SLC25A33: variants seen among roughly 807,000 people sequenced by gnomAD.
SLC25A33 encodes the protein bone marrow stromal cell mitochondrial carrier protein.
In SLC25A33, 15 loss-of-function variants were observed where a neutral mutation model predicts 35.5. That is an observed-to-expected ratio of 0.42 (90% CI 0.28 to 0.65). The LOEUF is 0.65. Ranked by LOEUF, SLC25A33 falls within the 30% of genes least tolerant of loss-of-function variation. SLC25A33 has a pLI of 0.20. For synonymous variants in SLC25A33, 136 were observed against 148.7 expected (o/e 0.91, Z 0.62); for missense variants, 257 against 398.5 (o/e 0.64, Z 3.02).
chr1:9,573,518 C>A (rs1022302712), intron 5 of SLC25A33, 106 bp downstream of exon 5: 2 of 889,722 alleles, frequency 2.2e-6, no homozygotes, highest in Non-Finnish European at 3.5e-6. Context: ...ATGTACCCCC[C>A]TCCTCGTTTC....
rs115882634 is a variant in SLC25A33, at chr1:9,564,210, T to A, written c.237-3074T>A. Among the ~76,000 whole-genome samples the A allele has an allele frequency of 7.9e-3, 1,196 of 152,294 alleles. 18 individuals carry two copies. Among genetic ancestry groups the A allele is most frequent in the African/African-American group, 0.027 (1,135 of 41,554 alleles). On this transcript the variant is annotated intron_variant, in intron 2 of 6. Coordinates refer to ENST00000302692, the MANE Select transcript of SLC25A33 (RefSeq NM_032315.3). ...TGCCTCTAAAGAATGTTCCATACAA[T>A]CCTTTCAGGATTTTCTAAGTCGCTT...
At chr1:9,550,203 T>C (rs1169051305) in intron 1 of SLC25A33, among the ~76,000 whole-genome samples, 1 of 147,748 alleles carries the variant, frequency 6.8e-6, no homozygotes, top group Non-Finnish European at 1.5e-5. Flanking sequence ...GACTCCAGCC[T>C]GGGTAACAGA....
chr1:9,553,672 A>G lies in SLC25A33; in HGVS notation c.103A>G (p.Ile35Val). Residue 35 changes from isoleucine (I) to valine (V), a missense_variant, in exon 2 of 7, where the codon ATT becomes GTT. Ile to Val is a conservative substitution (Grantham distance 29). Coordinates refer to ENST00000302692, the MANE Select transcript of SLC25A33 (RefSeq NM_032315.3). ...TATTTTCACTTGTCCACTAGAAGTC[A>G]TTAAGACACGGTTGCAGTCTTCAAG... Reference protein sequence around the residue: ...GAIFTCPLEVIKTRLQSSRLA... With the variant: ...GAIFTCPLEVVKTRLQSSRLA... 2 of 1,614,092 alleles carry G rather than the reference A, an allele frequency of 1.2e-6. No homozygotes were observed. Among genetic ancestry groups the G allele is most frequent in the South Asian group, 1.1e-5 (1 of 91,078 alleles).
chr1:9,546,675 C>G (rs1361259387), intron 1 of SLC25A33, among the ~76,000 whole-genome samples: 1 of 152,168 alleles, frequency 6.6e-6, no homozygotes, highest in Non-Finnish European at 1.5e-5. Flanking sequence ...TTTAGGTATA[C>G]ATTTTTTTTG....
intron 2 of SLC25A33, among the ~76,000 whole-genome samples, chr1:9,562,568 A>T (rs1162619514): frequency 6.6e-6 from 1 of 152,044 alleles, no homozygotes; most frequent in Non-Finnish European, 1.5e-5. Context: ...TGAATTATAT[A>T]AATGGGCCAG....
chr1:9,539,468 T>G lies in SLC25A33; in HGVS notation c.-224T>G. 1 of 180,714 alleles carries G rather than the reference T, an allele frequency of 5.5e-6. No homozygotes were observed. Among genetic ancestry groups the G allele is most frequent in the Non-Finnish European group, 1.1e-5 (1 of 88,628 alleles). The allele number at this position is 180,714 out of a possible 1,614,324, so 11.2% of individuals were successfully genotyped here. A position where few individuals can be genotyped will look rare whatever the true frequency, so the allele number is the denominator to read the frequency against. On this transcript the variant is annotated 5_prime_UTR_variant, in exon 1 of 7. Coordinates refer to ENST00000302692, the MANE Select transcript of SLC25A33 (RefSeq NM_032315.3). ...TGACGGCCGCGCGCCGGGCTCTAGC[T>G]CCCCGCCGGGCTCGCGCCGCAGAGG...
intron 3 of SLC25A33, among the ~76,000 whole-genome samples, chr1:9,569,011 C>T (rs563567614): frequency 6.6e-6 from 1 of 152,026 alleles, no homozygotes; most frequent in Admixed American, 6.6e-5. Flanking sequence ...TTTGGGAGGC[C>T]GAGGCAGGCG....
At chr1:9,549,328 A>G (rs914752497) in intron 1 of SLC25A33, among the ~76,000 whole-genome samples, 8 of 128,718 alleles carry the variant, frequency 6.2e-5, no homozygotes, top group East Asian at 2.6e-4. Flanking sequence ...GGTGGGATCA[A>G]TGGGGGGGAT....
rs1188436721 is a variant in SLC25A33, at chr1:9,578,590, A to G, written c.483-1364A>G. 1.3e-5 allele frequency among the ~76,000 whole-genome samples: 2 copies of G among 152,220 alleles called. No individual in the cohort carries two copies. Among genetic ancestry groups the G allele is most frequent in the Non-Finnish European group, 2.9e-5 (2 of 68,034 alleles). On this transcript the variant is annotated intron_variant, in intron 5 of 6. Transcript: ENST00000302692. The surrounding 1 kb of genome is among the most constrained non-coding windows in gnomAD (Gnocchi z 4.3). ...GGAGACGAGTGTGATCAGAAATCTA[A>G]TAAGTAGCCTCACCAACAGGTTGGA...
intron 1 of SLC25A33, among the ~76,000 whole-genome samples, chr1:9,544,523 C>A (rs1643139517): frequency 6.6e-6 from 1 of 152,122 alleles, no homozygotes; most frequent in Non-Finnish European, 1.5e-5. Flanking sequence ...CCCATCTCAG[C>A]CTCCAAAAGT....
At chr1:9,558,768 C>CTA (rs1643380112) in intron 2 of SLC25A33, among the ~76,000 whole-genome samples, 1 of 152,176 alleles carries the variant, frequency 6.6e-6, no homozygotes, top group Admixed American at 6.6e-5. Context: ...CGTATCTCAC[C>CTA]TATATTGGTG....
At chr1:9,555,425 G>T (rs889597708) in intron 2 of SLC25A33, among the ~76,000 whole-genome samples, 6 of 152,044 alleles carry the variant, frequency 3.9e-5, no homozygotes, top group Non-Finnish European at 7.4e-5. Context: ...GCCACATTTA[G>T]CACTTTTAGG....
At chr1:9,577,101 T>G in intron 5 of SLC25A33, 1 of 517,294 alleles carries the variant, frequency 1.9e-6, no homozygotes, top group Admixed American at 3.2e-5. Flanking sequence ...AATAGCCAGG[T>G]GGGGGCGGCA....
rs6664376 is a variant in SLC25A33 at position 9,553,850 on chromosome 1, C to T, written c.236+45C>T. The T allele has an allele frequency of 5.2e-3, 8,179 of 1,559,848 alleles. 284 individuals carry two copies. In the African/African-American group the frequency reaches 0.079, roughly 15 times the overall value. On this transcript the variant is annotated intron_variant, in intron 2 of 6. Transcript: ENST00000302692. ...CTCCTGCCACCTGCACACCCTGTACCGCCACTGTCAACAGAGAATGTTCAT... is the reference window on the plus strand; with the variant it reads ...CTCCTGCCACCTGCACACCCTGTACTGCCACTGTCAACAGAGAATGTTCAT...
At chr1:9,564,725 T>TAAAAAAAAAAAAAAA (rs1553146726) in intron 2 of SLC25A33, among the ~76,000 whole-genome samples, 3 of 94,484 alleles carry the variant, frequency 3.2e-5, no homozygotes, top group Admixed American at 1.3e-4. Context: ...CGTCTCTATT[T>TAAAAAAAAAAAAAAA]AAAAAAAAAA....
intron 5 of SLC25A33, among the ~76,000 whole-genome samples, chr1:9,574,655 G>A (rs887751430): frequency 2.2e-4 from 33 of 152,092 alleles, no homozygotes; most frequent in Admixed American, 1.4e-3. Flanking sequence ...AATGGAACCC[G>A]GTGTAAAGAG....
chr1:9,563,400 A>G (rs1043615336), intron 2 of SLC25A33, among the ~76,000 whole-genome samples: 1 of 152,192 alleles, frequency 6.6e-6, no homozygotes, highest in East Asian at 1.9e-4. Flanking sequence ...TCAAAATTCT[A>G]TTTACTTTAT....
intron 2 of SLC25A33, among the ~76,000 whole-genome samples, chr1:9,563,905 C>T (rs377040924): frequency 5.3e-5 from 8 of 151,998 alleles, no homozygotes; most frequent in African/African-American, 1.9e-4. Context: ...GTGATCCACC[C>T]GCTTCGGCCT....
At chr1:9,566,600 A>T (rs1643509559) in intron 2 of SLC25A33, among the ~76,000 whole-genome samples, 2 of 151,808 alleles carry the variant, frequency 1.3e-5, no homozygotes, top group Admixed American at 6.6e-5. Context: ...TAATCCCAGC[A>T]CTTTGTGAGG....
Sources: gnomAD v4.1 joint callset for allele counts (sites outside exome capture counted in the v4.1 genomes callset) on GRCh38, gnomAD v4.1.1 for gene constraint, Gnocchi (gnomAD v3.1) non-coding constraint, MANE v1.5 for transcripts, NCBI Gene and HGNC (gene_info 2026-07-23, HGNC 2026-07-21) for gene names.